KCNMB2: variants seen among roughly 807,000 people sequenced by gnomAD.
The protein encoded by KCNMB2 is potassium calcium-activated channel subfamily M regulatory beta subunit 2.
A neutral mutation model predicts 24.5 loss-of-function variants in KCNMB2; 9 were observed. That is an observed-to-expected ratio of 0.37 (90% CI 0.22 to 0.64). The LOEUF (loss-of-function observed/expected upper bound fraction) is 0.64. Among genes scored for constraint, KCNMB2 ranks in the 30% least tolerant of loss-of-function variants. The probability of loss-of-function intolerance (pLI) is 0.63; values close to 1 mark genes in which losing one functional copy is unlikely to be tolerated. For missense variants in KCNMB2, 226 were observed against 284.3 expected (o/e 0.79, Z 1.47); for synonymous variants, 109 against 104.4 (o/e 1.04, Z -0.27).
intron 1 of KCNMB2, among the ~76,000 whole-genome samples, chr3:178,679,857 A>G (rs1256412701): frequency 1.3e-5 from 2 of 152,078 alleles, no homozygotes; most frequent in African/African-American, 2.4e-5. Flanking sequence ...ATTTTTGTAT[A>G]TATTTCCCTT....
intron 1 of KCNMB2, among the ~76,000 whole-genome samples, chr3:178,735,543 T>C (rs1559995289): frequency 2.6e-5 from 4 of 152,186 alleles, no homozygotes; most frequent in Non-Finnish European, 4.4e-5. Flanking sequence ...CGAGTTCAAG[T>C]TCCAGCTCCT....
chr3:178,821,555 C>G (rs1279277870), intron 2 of KCNMB2, among the ~76,000 whole-genome samples: 1 of 152,172 alleles, frequency 6.6e-6, no homozygotes, highest in Non-Finnish European at 1.5e-5. Flanking sequence ...TGGCCTATCT[C>G]ACCATTGAGA....
intron 1 of KCNMB2, among the ~76,000 whole-genome samples, chr3:178,755,870 C>A (rs1724013650): frequency 6.6e-6 from 1 of 152,020 alleles, no homozygotes; most frequent in Non-Finnish European, 1.5e-5. Flanking sequence ...TCAAGTCACC[C>A]AAGGCAGAAA....
rs948507550 is a variant in KCNMB2 at position 178,659,999 on chromosome 3, A to C, written c.-68+123288A>C. Among the ~76,000 whole-genome samples the C allele has an allele frequency of 9.9e-5, 15 of 152,236 alleles. No homozygotes were observed. In the East Asian group the frequency reaches 2.9e-3, roughly 29 times the overall value. ...TTTCACAATAGGCTGACTTCCCAAT[A>C]GGCCTAAGATGAGCCCTGAGTGCTA... is the stretch of plus-strand genomic sequence containing the variant. On this transcript the variant is annotated intron_variant, in intron 1 of 4. Transcript: ENST00000452583.
At chr3:178,550,457 C>CAAAAA (rs71671909) in intron 1 of KCNMB2, among the ~76,000 whole-genome samples, 4 of 46,002 alleles carry the variant, frequency 8.7e-5, no homozygotes, top group African/African-American at 1.6e-4. Flanking sequence ...GACTCCGTCT[C>CAAAAA]AAAAAAAAAA....
intron 1 of KCNMB2, among the ~76,000 whole-genome samples, chr3:178,757,997 ATCT>A (rs1560006298): frequency 2.1e-3 from 4 of 1,912 alleles, no homozygotes; most frequent in Admixed American, 0.015. Flanking sequence ...ATATATATAT[ATCT>A]AGATATATAT....
chr3:178,708,858 T>C (rs1399627583), intron 1 of KCNMB2, among the ~76,000 whole-genome samples: 2 of 152,150 alleles, frequency 1.3e-5, no homozygotes, highest in Admixed American at 6.6e-5. Context: ...TCTTAATTAC[T>C]AACAATACAG....
Position 178,696,221 on chromosome 3 carries a change from T to C in KCNMB2, c.-67-111122T>C, listed in dbSNP as rs534401250. 3.3e-5 allele frequency among the ~76,000 whole-genome samples: 5 copies of C among 152,264 alleles called. No homozygotes were observed. In the South Asian group the frequency reaches 1.0e-3, roughly 32 times the overall value. On this transcript the variant is annotated intron_variant, in intron 1 of 4. Coordinates refer to ENST00000452583, the MANE Select transcript of KCNMB2 (RefSeq NM_181361.3). ...CATGAGAACAGGATGGGGGAAACCA[T>C]CCTTATGATTTAATTATCTCCACCT...
intron 1 of KCNMB2, among the ~76,000 whole-genome samples, chr3:178,754,822 A>G (rs1208852454): frequency 1.3e-5 from 2 of 152,272 alleles, no homozygotes; most frequent in Admixed American, 1.3e-4. Context: ...TCTGGTTGGG[A>G]TGGCATAGAC....
intron 1 of KCNMB2, among the ~76,000 whole-genome samples, chr3:178,594,176 A>C (rs1013437961): frequency 6.6e-6 from 1 of 151,992 alleles, no homozygotes; most frequent in African/African-American, 2.4e-5. Context: ...GAGGCAGATC[A>C]TGTAGGACCT....
At chr3:178,551,341 G>A (rs1036113626) in intron 1 of KCNMB2, among the ~76,000 whole-genome samples, 1 of 152,108 alleles carries the variant, frequency 6.6e-6, no homozygotes, top group African/African-American at 2.4e-5. Context: ...TCCCCATTTA[G>A]GACAGAAAAA....
rs1260425692 is a variant in KCNMB2 at position 178,720,550 on chromosome 3, C to T, written c.-67-86793C>T. The stretch of plus-strand genomic sequence containing the variant: ...TTCTAGTTCTAGATCCCTGAGGAAT[C>T]GCCACACTGACTTCCACAATGGTTG... On this transcript the variant is annotated intron_variant, in intron 1 of 4. Coordinates refer to ENST00000452583, the MANE Select transcript of KCNMB2 (RefSeq NM_181361.3). Among the ~76,000 whole-genome samples the T allele has an allele frequency of 4.1e-5, 5 of 120,960 alleles. No homozygotes were observed. In the East Asian group the frequency reaches 8.6e-4, roughly 21 times the overall value. 79.4% of individuals were successfully genotyped at this position (120,960 alleles called of 152,430 possible). A position where few individuals can be genotyped will look rare whatever the true frequency, so the allele number is the denominator to read the frequency against.
intron 1 of KCNMB2, among the ~76,000 whole-genome samples, chr3:178,697,013 T>C (rs573076390): frequency 1.3e-5 from 2 of 152,322 alleles, no homozygotes; most frequent in Admixed American, 1.3e-4. Flanking sequence ...CTGAGGAGTA[T>C]TTCACTTCTG....
intron 1 of KCNMB2, among the ~76,000 whole-genome samples, chr3:178,655,861 A>T (rs535870623): frequency 1.3e-5 from 2 of 152,088 alleles, no homozygotes; most frequent in African/African-American, 2.4e-5. Context: ...TGAATTCACA[A>T]CCTCTCATCA....
intron 1 of KCNMB2, among the ~76,000 whole-genome samples, chr3:178,713,726 C>G (rs981787310): frequency 1.3e-5 from 2 of 152,166 alleles, no homozygotes; most frequent in African/African-American, 4.8e-5. Flanking sequence ...ATGAGCCATG[C>G]TCTGACGCTG....
intron 1 of KCNMB2, among the ~76,000 whole-genome samples, chr3:178,721,525 C>T (rs1253021892): frequency 6.6e-6 from 1 of 152,122 alleles, no homozygotes; most frequent in Non-Finnish European, 1.5e-5. Context: ...AAGTAATTTG[C>T]TATAAACATT....
At chr3:178,597,155 C>A (rs1192468559) in intron 1 of KCNMB2, among the ~76,000 whole-genome samples, 5 of 152,108 alleles carry the variant, frequency 3.3e-5, no homozygotes, top group Non-Finnish European at 7.4e-5. Flanking sequence ...TTAATTCACA[C>A]CCTGACATTC....
intron 1 of KCNMB2, among the ~76,000 whole-genome samples, chr3:178,701,337 C>T (rs1436052829): frequency 6.6e-6 from 1 of 152,126 alleles, no homozygotes; most frequent in Non-Finnish European, 1.5e-5. Context: ...GGTACCAGTA[C>T]CATGCTGTTT....
intron 1 of KCNMB2, among the ~76,000 whole-genome samples, chr3:178,667,596 A>T (rs1438704586): frequency 6.6e-6 from 1 of 152,128 alleles, no homozygotes; most frequent in Admixed American, 6.6e-5. Context: ...CTAAGACACC[A>T]TATGAGGACA....
Sources: gnomAD v4.1 joint callset for allele counts (sites outside exome capture counted in the v4.1 genomes callset) on GRCh38, gnomAD v4.1.1 for gene constraint, MANE v1.5 for transcripts, NCBI Gene and HGNC (gene_info 2026-07-23, HGNC 2026-07-21) for gene names.